BRME1: variants seen among roughly 807,000 people sequenced by gnomAD.
BRME1 encodes BRCA2 and MEILB2-associating protein 1.
A neutral mutation model predicts 52.6 loss-of-function variants in BRME1; 31 were observed. The observed-to-expected ratio is 0.59, with a 90% CI of 0.44 to 0.80. The LOEUF (loss-of-function observed/expected upper bound fraction) is 0.80, where lower values mean the gene tolerates loss of function less well. Among genes scored for constraint, BRME1 ranks in the 30% least tolerant of loss-of-function variants. The pLI is 0.00. For missense variants in BRME1, 804 were observed against 860.3 expected, an observed-to-expected ratio of 0.93 and a Z score of 0.82; for synonymous variants, 359 against 353.6, an observed-to-expected ratio of 1.02 and a Z score of -0.17.
chr19:13,893,409 A>G (rs982652548), intron 3 of BRME1, among the ~76,000 whole-genome samples, 186 bp from the exon 4 acceptor site: 1 of 152,088 alleles, frequency 6.6e-6, no homozygotes, highest in Admixed American at 6.6e-5. Flanking sequence ...GTGGTGGCGC[A>G]CGCCTGTAAT....
chr19:13,887,760 C>G (rs1267887042), intron 6 of BRME1, among the ~76,000 whole-genome samples: 1 of 147,378 alleles, frequency 6.8e-6, no homozygotes, highest in Non-Finnish European at 1.5e-5. Flanking sequence ...CTGAACCACA[C>G]TGTGACTCAC....
chr19:13,889,090 C>T, intron 6 of BRME1, 98 bp downstream of exon 6: 1 of 1,177,982 alleles, frequency 8.5e-7, no homozygotes, highest in Admixed American at 2.8e-5. Context: ...CCCTGAGCCC[C>T]AGCTCCCCCT....
At chr19:13,893,071 G>C in intron 4 of BRME1, 71 bp downstream of exon 4, 1 of 1,459,794 alleles carries the variant, frequency 6.9e-7, no homozygotes, top group Non-Finnish European at 9.4e-7. Flanking sequence ...ACAAAGAAGG[G>C]AGACACAGAG....
At chr19:13,899,487 G>A (rs1279750522) in intron 2 of BRME1, among the ~76,000 whole-genome samples, 1 of 151,990 alleles carries the variant, frequency 6.6e-6, no homozygotes, top group Admixed American at 6.6e-5. Context: ...GTTCGGGAGT[G>A]CCCGTTTAGA....
chr19:13,887,833 G>A (rs1969151431), intron 6 of BRME1, among the ~76,000 whole-genome samples: 3 of 150,292 alleles, frequency 2.0e-5, no homozygotes, highest in Non-Finnish European at 2.9e-5. Flanking sequence ...GTGTAATCTC[G>A]GCTCACTGCA....
At chr19:13,892,112 T>C (rs1015717314) in intron 5 of BRME1, among the ~76,000 whole-genome samples, 6 of 151,022 alleles carry the variant, frequency 4.0e-5, no homozygotes, top group Non-Finnish European at 5.9e-5. Flanking sequence ...AGTCTTGCCA[T>C]GTTGCCCAGG....
intron 2 of BRME1, among the ~76,000 whole-genome samples, chr19:13,901,923 C>T (rs1021644982): frequency 6.6e-6 from 1 of 151,700 alleles, no homozygotes; most frequent in Non-Finnish European, 1.5e-5. Context: ...ACCTGTAGTC[C>T]CAGCTATTCC....
At chr19:13,884,320 C>T (rs534186442) in intron 7 of BRME1, among the ~76,000 whole-genome samples, 1 of 151,736 alleles carries the variant, frequency 6.6e-6, no homozygotes, top group Non-Finnish European at 1.5e-5. Context: ...GGCAACAGAG[C>T]AAGACTCTAT....
Position 13,883,316 on chromosome 19 carries a change from G to A in BRME1, c.1848C>T (p.Ser616=), listed in dbSNP as rs1356327247. The stretch of plus-strand genomic sequence containing the variant: ...CCAAGCCCACCCCGTACTTCAGGTT[G>A]GAGAGCTCAACGATGAGGCCACGCA... ...NVVRGLIVEL[S]NLNRLIMGTH... is the part of the protein sequence containing the mutation. The change falls in exon 8 of 9, where the codon TCC becomes TCT. Residue 616 remains serine (S), a synonymous_variant. Coordinates refer to ENST00000586783, the MANE Select transcript of BRME1 (RefSeq NM_001345843.2). This position sits in a 1 kb window ranked among gnomAD's most constrained non-coding sequence, Gnocchi z 4.2. The A allele has an allele frequency of 2.6e-6, 4 of 1,533,704 alleles. No homozygotes were observed. The highest frequency in any genetic ancestry group is 3.5e-6 in the Non-Finnish European group (4 of 1,145,108).
In BRME1 at chr19:13,892,861, A is replaced by G. The variant is rs370875395; in HGVS notation, c.318T>C (p.Phe106=). 6.2e-7 allele frequency: 1 copy of G among 1,614,152 alleles called. No homozygotes were observed. Residue 106 remains phenylalanine, a synonymous_variant, in exon 5 of 9, where the codon TTT becomes TTC. Coordinates refer to ENST00000586783, the MANE Select transcript of BRME1 (RefSeq NM_001345843.2). ...TTGTCACTGTCTTCCTGGATTTTGC[A>G]AACTGGGGAACAAACCTCCCGAATG... is the stretch of plus-strand genomic sequence containing the variant. ...QNSFGRFVPQ[F]AKSRKTVTRK... is the part of the protein sequence containing the mutation.
At chr19:13,885,877 T>C (rs1968975693) in intron 7 of BRME1, 84 bp downstream of exon 7, 6 of 1,200,300 alleles carry the variant, frequency 5.0e-6, no homozygotes, top group Admixed American at 1.8e-5. Flanking sequence ...GAGGGAGAAC[T>C]GGGGTCTGTC....
At position 13,890,255 on chromosome 19, in the gene BRME1, A is replaced by G. The variant is rs1568379291; in HGVS notation, c.601T>C (p.Leu201=). The G allele has an allele frequency of 6.2e-7, 1 of 1,613,548 alleles. No homozygotes were observed. Among genetic ancestry groups the G allele is most frequent in the Admixed American group, 1.7e-5 (1 of 59,956 alleles). ...PDDPPDRGTG[L]SASQRASQDH... ...TGGCTGGCCCTCTGTGAGGCGGACA[A>G]CCCCGTCCCCCTGTCTGGAGGGTCA... Residue 201 remains leucine (L), a synonymous_variant, in exon 6 of 9, where the codon TTG becomes CTG. Coordinates refer to ENST00000586783, the MANE Select transcript of BRME1 (RefSeq NM_001345843.2).
At position 13,883,161 on chromosome 19, in the gene BRME1, G is replaced by A. The variant is rs1485910125; in HGVS notation, c.1856+147C>T. The A allele has an allele frequency of 6.3e-6, 6 of 955,440 alleles. No homozygotes were observed. The highest frequency in any genetic ancestry group is 3.2e-5 in the South Asian group (2 of 62,108). The allele number at this position is 955,440 out of a possible 1,614,324, so 59.2% of individuals were successfully genotyped here. On this transcript the variant is annotated intron_variant, in intron 8 of 8. Transcript: ENST00000586783. The surrounding 1 kb of genome is among the most constrained non-coding windows in gnomAD (Gnocchi z 4.2). ...CTGTGTTCTGCAAAGGACGGGGGAG[G>A]GGGGCCACGGTGAGGACCCAGCAGC...
rs565366566 is a variant in BRME1 at position 13,898,880 on chromosome 19, G to A, written c.32-3334C>T. Among the ~76,000 whole-genome samples the A allele has an allele frequency of 2.0e-4, 28 of 141,564 alleles. No homozygotes were observed. The South Asian group carries it at 2.0e-3, about 10-fold the overall frequency. 92.9% of individuals were successfully genotyped at this position (141,564 alleles called of 152,430 possible). On this transcript the variant is annotated intron_variant, in intron 2 of 8. Transcript: ENST00000586783. The stretch of plus-strand genomic sequence containing the variant: ...GGAGGTTGCAGTGAGCCGATATCGC[G>A]TCATTGCACTCCAGCCTGGGCAACA...
chr19:13,890,527 T>C, intron 5 of BRME1, 65 bp from the exon 6 acceptor site: 2 of 1,407,534 alleles, frequency 1.4e-6, no homozygotes, highest in Non-Finnish European at 1.9e-6. Context: ...GAGTTTTCTA[T>C]TAGGTTGGTG....
rs573981177 is a variant in BRME1 at position 13,891,870 on chromosome 19, C to T, written c.393+916G>A. Among the ~76,000 whole-genome samples the T allele has an allele frequency of 5.7e-4, 87 of 151,652 alleles. 1 individual carries two copies. The highest frequency in any genetic ancestry group is 6.9e-3 in the Middle Eastern group (2 of 290). On this transcript the variant is annotated intron_variant, in intron 5 of 8. Coordinates refer to ENST00000586783, the MANE Select transcript of BRME1 (RefSeq NM_001345843.2). ...GGCGGATCATTTGAAGTTGGGAGTT[C>T]GAGACCAGCCTGGCCAACAGGGTGA...
rs139071536 is a variant in BRME1 at position 13,889,944 on chromosome 19, C to T, written c.912G>A (p.Val304=). The T allele has an allele frequency of 1.5e-3, 2,432 of 1,612,688 alleles. 3 individuals carry two copies. The highest frequency in any genetic ancestry group is 1.6e-3 in the Non-Finnish European group (1,876 of 1,179,960). ...GCTGGGGGTCAGGGGAGCCCTGGGC[C>T]ACAGACCCGGGTTCCAGGCACCAAG... ...PASWCLEPGS[V]AQGSPDPQQT... is the part of the protein sequence containing the mutation. The change falls in exon 6 of 9, where the codon GTG becomes GTA. Residue 304 remains valine, a synonymous_variant. Coordinates refer to ENST00000586783, the MANE Select transcript of BRME1 (RefSeq NM_001345843.2).
At position 13,882,619 on chromosome 19, in the gene BRME1, G is replaced by T. The variant is rs1968709446; in HGVS notation, c.*183C>A. ...CTCCCTGAAGCCAAGGGTGGCAAATGACCTTGACCCTGGCCAGGTGAGGCC... is the reference window on the plus strand; with the variant it reads ...CTCCCTGAAGCCAAGGGTGGCAAATTACCTTGACCCTGGCCAGGTGAGGCC... On this transcript the variant is annotated 3_prime_UTR_variant, in exon 9 of 9. Transcript: ENST00000586783. 2.8e-6 allele frequency: 2 copies of T among 709,430 alleles called. No homozygotes were observed. Among genetic ancestry groups the T allele is most frequent in the East Asian group, 5.5e-5 (2 of 36,422 alleles). The allele number at this position is 709,430 out of a possible 1,614,324, so 43.9% of individuals were successfully genotyped here.
chr19:13,891,537 G>A (rs903906425), intron 5 of BRME1, among the ~76,000 whole-genome samples: 10 of 151,874 alleles, frequency 6.6e-5, no homozygotes, highest in African/African-American at 2.2e-4. Context: ...GTGTGATCAC[G>A]GCTCACTGTA....
Sources: gnomAD v4.1 joint callset for allele counts (sites outside exome capture counted in the v4.1 genomes callset) on GRCh38, gnomAD v4.1.1 for gene constraint, Gnocchi (gnomAD v3.1) non-coding constraint, MANE v1.5 for transcripts, NCBI Gene and HGNC (gene_info 2026-07-23, HGNC 2026-07-21) for gene names.